The following KAZN variants were observed in gnomAD, a reference collection of about 807,000 sequenced individuals.
The protein encoded by KAZN is kazrin, periplakin interacting protein, also known as kazrin.
A neutral mutation model predicts 87.4 loss-of-function variants in KAZN; 40 were observed. That is an observed-to-expected ratio of 0.46 (90% CI 0.36 to 0.60). The LOEUF (loss-of-function observed/expected upper bound fraction) is 0.60, where lower values mean the gene tolerates loss of function less well. Among genes scored for constraint, KAZN ranks in the 20% least tolerant of loss-of-function variants. The pLI is 0.00. For synonymous variants in KAZN, 466 were observed against 458.3 expected (o/e 1.02, Z -0.22); for missense variants, 898 against 1,073.9 (o/e 0.84, Z 2.29).
intron 1 of KAZN, among the ~76,000 whole-genome samples, chr1:13,986,088 A>G (rs1412817133): frequency 1.3e-5 from 2 of 152,206 alleles, no homozygotes; most frequent in African/African-American, 4.8e-5. Flanking sequence ...AAACTATCAA[A>G]CTGTTTTCCA....
intron 2 of KAZN, among the ~76,000 whole-genome samples, chr1:14,226,881 A>G (rs1647341298): frequency 6.6e-6 from 1 of 152,046 alleles, no homozygotes; most frequent in South Asian, 2.1e-4. Flanking sequence ...GGAACAATAG[A>G]TACTGGGGCC....
intron 1 of KAZN, among the ~76,000 whole-genome samples, chr1:14,721,781 C>A (rs962851030): frequency 6.6e-6 from 1 of 152,188 alleles, no homozygotes; most frequent in African/African-American, 2.4e-5. Flanking sequence ...TCCTAATTGT[C>A]AATCAACCCC....
intron 1 of KAZN, among the ~76,000 whole-genome samples, chr1:14,799,455 A>G (rs1444081218): frequency 6.6e-6 from 1 of 152,236 alleles, no homozygotes. Context: ...AAAAGGAGGA[A>G]CACTTGAAAC....
In KAZN at chr1:15,094,820, G is replaced by A. The variant is rs1307075825; in HGVS notation, c.1434G>A (p.Leu478=). Residue 478 remains leucine (L), a synonymous_variant, in exon 10 of 15, where the codon CTG becomes CTA. Transcript: ENST00000376030. The surrounding 1 kb of genome is among the most constrained non-coding windows in gnomAD (Gnocchi z 4.5). ...ACACTCCCTCCCGGGGGCAGGTGCT[G>A]CTGAGCCTGAGTGACGAGGACCTGC... The part of the protein sequence containing the change: ...CTENVKSGKV[L]LSLSDEDLQL... 3 of 1,549,600 alleles carry A rather than the reference G, an allele frequency of 1.9e-6. No homozygotes were observed. The South Asian group carries it at 3.6e-5, about 18-fold the overall frequency.
chr1:14,388,336 T>TC (rs1662128405), intron 2 of KAZN, among the ~76,000 whole-genome samples: 1 of 151,914 alleles, frequency 6.6e-6, no homozygotes, highest in Non-Finnish European at 1.5e-5. Context: ...TCTTGGCTCT[T>TC]CCCCCCTAGA....
intron 1 of KAZN, among the ~76,000 whole-genome samples, chr1:14,100,475 T>C (rs1437936996): frequency 1.3e-5 from 2 of 152,186 alleles, no homozygotes; most frequent in Admixed American, 1.3e-4. Flanking sequence ...AAAAGGCTCA[T>C]AGCATGAAGT....
chr1:14,564,756 T>C (rs1278799866), intron 2 of KAZN, among the ~76,000 whole-genome samples: 1 of 151,892 alleles, frequency 6.6e-6, no homozygotes, highest in Non-Finnish European at 1.5e-5. Flanking sequence ...GAGATTGCAG[T>C]GAGCCGAGAT....
At chr1:14,266,814 G>A (rs1651511302) in intron 2 of KAZN, among the ~76,000 whole-genome samples, 1 of 152,200 alleles carries the variant, frequency 6.6e-6, no homozygotes, top group African/African-American at 2.4e-5. Context: ...AACCCAGGTG[G>A]ACATTGGGAG....
chr1:14,405,080 G>C (rs537935067), intron 2 of KAZN, among the ~76,000 whole-genome samples: 1 of 152,294 alleles, frequency 6.6e-6, no homozygotes, highest in East Asian at 1.9e-4. Context: ...CAGTGTGTGT[G>C]AATAAACCCA....
At chr1:13,937,841 G>T (rs1261540389) in intron 1 of KAZN, among the ~76,000 whole-genome samples, 1 of 152,114 alleles carries the variant, frequency 6.6e-6, no homozygotes, top group East Asian at 1.9e-4. Context: ...TTGTAGGTAT[G>T]TGGCTGTATT....
chr1:14,386,298 AT>A (rs1661882382), intron 2 of KAZN, among the ~76,000 whole-genome samples: 1 of 146,588 alleles, frequency 6.8e-6, no homozygotes, highest in Non-Finnish European at 1.5e-5. Context: ...TAATTGGAGC[AT>A]TTAGTCCATT....
intron 1 of KAZN, among the ~76,000 whole-genome samples, chr1:14,863,118 G>T (rs1651058564): frequency 1.3e-5 from 2 of 152,208 alleles, no homozygotes; most frequent in Non-Finnish European, 2.9e-5. Context: ...GTCAGGTGGT[G>T]AGCTTGCTCT....
chr1:14,580,475 CAAATAAAT>C (rs34947660), intron 2 of KAZN, among the ~76,000 whole-genome samples: 8,459 of 144,326 alleles, frequency 0.059, 749 homozygotes, highest in African/African-American at 0.19. Flanking sequence ...AACTCTATCT[CAAATAAAT>C]AAATAAATAA....
chr1:14,469,713 G>A (rs1177894439), intron 2 of KAZN, among the ~76,000 whole-genome samples: 2 of 152,196 alleles, frequency 1.3e-5, no homozygotes, highest in Non-Finnish European at 1.5e-5. Context: ...TGTCCTGATG[G>A]ATAACAGGCT....
intron 2 of KAZN, among the ~76,000 whole-genome samples, chr1:14,299,882 A>G (rs1231066429): frequency 6.6e-6 from 1 of 152,224 alleles, no homozygotes; most frequent in Non-Finnish European, 1.5e-5. Context: ...AAAGGAGAGA[A>G]AATACTCACC....
rs1185632852 is a variant in KAZN, at chr1:14,769,027, TA to T, written c.226+169808del. On this transcript the variant is annotated intron_variant, in intron 1 of 14. Transcript: ENST00000376030. This position sits in a 1 kb window ranked among gnomAD's most constrained non-coding sequence, Gnocchi z 4.1. ...TTCTTCACAGCTAGTTGACTTTCCG[TA>T]AAAGCTTCTGAGTTAATGAGTGAAT... Among the ~76,000 whole-genome samples, 1 of 152,210 alleles carries T rather than the reference TA, an allele frequency of 6.6e-6. No homozygotes were observed. The highest frequency in any genetic ancestry group is 1.5e-5 in the Non-Finnish European group (1 of 68,030).
intron 2 of KAZN, among the ~76,000 whole-genome samples, chr1:14,203,788 ATATGG>A (rs1436467433): frequency 6.6e-5 from 10 of 152,354 alleles, no homozygotes; most frequent in Non-Finnish European, 1.3e-4. Flanking sequence ...CATTAAGATG[ATATGG>A]TAGGGAGAGT....
intron 1 of KAZN, among the ~76,000 whole-genome samples, chr1:13,935,036 A>G (rs1219617422): frequency 1.3e-5 from 2 of 152,144 alleles, no homozygotes; most frequent in African/African-American, 4.8e-5. Context: ...CAGGAGTTCA[A>G]GACCAGCCTG....
intron 2 of KAZN, among the ~76,000 whole-genome samples, chr1:14,260,467 C>T (rs988560732): frequency 1.1e-4 from 16 of 152,168 alleles, no homozygotes; most frequent in Middle Eastern, 3.4e-3. Context: ...TTCGATGACC[C>T]GCATGGCTGG....
Sources: gnomAD v4.1 joint callset for allele counts (sites outside exome capture counted in the v4.1 genomes callset) on GRCh38, gnomAD v4.1.1 for gene constraint, Gnocchi (gnomAD v3.1) non-coding constraint, MANE v1.5 for transcripts, NCBI Gene and HGNC (gene_info 2026-07-23, HGNC 2026-07-21) for gene names.